The following NEDD4L variants were observed in gnomAD, a reference collection of about 807,000 sequenced individuals.
The protein encoded by NEDD4L is E3 ubiquitin-protein ligase NEDD4-like.
NEDD4L carries 54 observed loss-of-function variants against 148.9 expected under a neutral mutation model. That is an observed-to-expected ratio of 0.36 (90% confidence interval 0.29 to 0.45). NEDD4L has a LOEUF of 0.45. Among genes scored for constraint, NEDD4L ranks in the 20% least tolerant of loss-of-function variants. NEDD4L has a pLI of 1.00. For missense variants in NEDD4L, 856 were observed against 1,233.8 expected, an observed-to-expected ratio of 0.69 and a Z score of 4.59; for synonymous variants, 433 against 440.7, an observed-to-expected ratio of 0.98 and a Z score of 0.22.
intron 1 of NEDD4L, among the ~76,000 whole-genome samples, chr18:58,089,459 T>C (rs1269685074): frequency 3.3e-5 from 5 of 152,120 alleles, no homozygotes; most frequent in Non-Finnish European, 7.4e-5. Context: ...TATCTTTCCA[T>C]AGAAAGAATT....
At chr18:58,328,965 C>T in intron 9 of NEDD4L, 30 bp from the exon 10 acceptor site, 1 of 1,613,558 alleles carries the variant, frequency 6.2e-7, no homozygotes, top group Non-Finnish European at 8.5e-7. Context: ...CACTTCTCTT[C>T]TTCTCTTTCC....
Position 58,348,326 on chromosome 18 carries a change from C to CTTTTTTTTTTTTTTTTTTTTTT in NEDD4L, c.1576-1209_1576-1188dup, listed in dbSNP as rs771263533. ...CACTGCATTTCTTTTTCTTTTTTTT[C>CTTTTTTTTTTTTTTTTTTTTTT]TTTTTTTTTTTTTTTTTTTTTTTGA... is the stretch of plus-strand genomic sequence containing the variant. On this transcript the variant is annotated intron_variant, in intron 16 of 30. Coordinates refer to ENST00000400345, the MANE Select transcript of NEDD4L (RefSeq NM_001144967.3). Among the ~76,000 whole-genome samples, 44 of 88,672 alleles carry CTTTTTTTTTTTTTTTTTTTTTT rather than the reference C, an allele frequency of 5.0e-4. 1 individual carries two copies. The highest frequency in any genetic ancestry group is 6.5e-4 in the African/African-American group (12 of 18,518). The allele number at this position is 88,672 out of a possible 152,430, so 58.2% of individuals were successfully genotyped here. A position where few individuals can be genotyped will look rare whatever the true frequency, so the allele number is the denominator to read the frequency against.
chr18:58,119,353 AG>A (rs2086074893), intron 1 of NEDD4L, among the ~76,000 whole-genome samples: 1 of 152,120 alleles, frequency 6.6e-6, no homozygotes, highest in Non-Finnish European at 1.5e-5. Context: ...GTGTTGAAAA[AG>A]GTACCCAGGC....
Position 58,366,313 on chromosome 18 carries a change from G to C in NEDD4L, c.2063+85G>C. 11 of 987,614 alleles carry C rather than the reference G, an allele frequency of 1.1e-5. No homozygotes were observed. Among genetic ancestry groups the C allele is most frequent in the Non-Finnish European group, 1.5e-5 (10 of 680,854 alleles). 61.2% of individuals were successfully genotyped at this position (987,614 alleles called of 1,614,324 possible). ...CAGAATGAAAGGATAAGCAGCTCAT[G>C]AGTTCGAGATGCATTAACTCTGCTG... On this transcript the variant is annotated intron_variant, in intron 21 of 30. Coordinates refer to ENST00000400345, the MANE Select transcript of NEDD4L (RefSeq NM_001144967.3). The surrounding 1 kb of genome is among the most constrained non-coding windows in gnomAD (Gnocchi z 4.2).
chr18:58,123,026 C>T (rs1469957612), intron 1 of NEDD4L, among the ~76,000 whole-genome samples: 1 of 152,210 alleles, frequency 6.6e-6, no homozygotes, highest in Non-Finnish European at 1.5e-5. Context: ...AGCCACTGCA[C>T]CTGGCCCCAC....
In NEDD4L at chr18:58,398,203, C is replaced by T. The variant is rs1002229981; in HGVS notation, c.*1934C>T. ...AAAAAAAAAAAAAAAAATTCCCGCT[C>T]ATGAGTTTTGACTATTGGTGAGATG... On this transcript the variant is annotated 3_prime_UTR_variant, in exon 31 of 31. Coordinates refer to ENST00000400345, the MANE Select transcript of NEDD4L (RefSeq NM_001144967.3). 1.6e-5 allele frequency: 2 copies of T among 121,414 alleles called. No individual in the cohort carries two copies. The highest frequency in any genetic ancestry group is 6.6e-5 in the African/African-American group (2 of 30,226). The allele number at this position is 121,414 out of a possible 1,614,324, so 7.5% of individuals were successfully genotyped here.
chr18:58,387,300 C>G, intron 26 of NEDD4L, 139 bp from the exon 27 acceptor site: 12 of 966,950 alleles, frequency 1.2e-5, no homozygotes, highest in Non-Finnish European at 1.8e-5. Context: ...ACTATAGTTA[C>G]TTGATACTGT....
At chr18:58,055,666 A>G (rs1182697402) in intron 1 of NEDD4L, among the ~76,000 whole-genome samples, 23 of 152,262 alleles carry the variant, frequency 1.5e-4, no homozygotes. Flanking sequence ...AGATAGAGCA[A>G]GGACTATTTT....
At chr18:58,385,744 G>A (rs1448331352) in intron 26 of NEDD4L, among the ~76,000 whole-genome samples, 158 bp downstream of exon 26, 1 of 152,004 alleles carries the variant, frequency 6.6e-6, no homozygotes, top group Non-Finnish European at 1.5e-5. Context: ...TCACACCGCT[G>A]GCCAGTCTCC....
chr18:58,125,974 G>A (rs1480877882), intron 1 of NEDD4L, among the ~76,000 whole-genome samples: 1 of 152,228 alleles, frequency 6.6e-6, no homozygotes, highest in Non-Finnish European at 1.5e-5. Flanking sequence ...CGCACCAAAC[G>A]GGTTCCAGTC....
chr18:58,044,717 C>G lies in NEDD4L; in HGVS notation c.48+9C>G. On this transcript the variant is annotated intron_variant, in intron 1 of 30. Transcript: ENST00000400345. ...GACTTTCCGAAGACGAGGTGAGTGG[C>G]ACCCCCTTCCTGCTCGGGACTCCCC... 1 of 1,604,736 alleles carries G rather than the reference C, an allele frequency of 6.2e-7. No homozygotes were observed. The highest frequency in any genetic ancestry group is 8.5e-7 in the Non-Finnish European group (1 of 1,175,688).
At chr18:58,253,815 T>C (rs2048193322) in intron 5 of NEDD4L, among the ~76,000 whole-genome samples, 1 of 152,224 alleles carries the variant, frequency 6.6e-6, no homozygotes. Flanking sequence ...GAGGTGATCT[T>C]GCCCTGGGTC....
intron 2 of NEDD4L, among the ~76,000 whole-genome samples, chr18:58,233,350 G>T (rs2045486303): frequency 6.6e-6 from 1 of 152,198 alleles, no homozygotes; most frequent in Non-Finnish European, 1.5e-5. Flanking sequence ...GTTCCACATG[G>T]CCGGGGAGGC....
chr18:58,089,048 A>G (rs762509253), intron 1 of NEDD4L, among the ~76,000 whole-genome samples: 44 of 152,142 alleles, frequency 2.9e-4, no homozygotes, highest in East Asian at 3.9e-4. Flanking sequence ...CTTTTGCTCC[A>G]TAATGTGGAA....
chr18:58,315,902 T>A (rs1418619696), intron 5 of NEDD4L, 80 bp from the exon 6 acceptor site: 35 of 1,253,820 alleles, frequency 2.8e-5, no homozygotes, highest in Middle Eastern at 1.8e-4. Flanking sequence ...TTTGTCTCTA[T>A]TCATGATAAA....
chr18:58,308,357 G>A lies in NEDD4L; in HGVS notation c.298-7625G>A, dbSNP rs560315322. Among the ~76,000 whole-genome samples the A allele has an allele frequency of 7.2e-5, 11 of 152,270 alleles. No individual in the cohort carries two copies. The South Asian group carries it at 1.2e-3, about 17-fold the overall frequency. ...GGGGGTTTCTACATCTGCATTTTTTGCAAAAATAGAATAGCCTTCTAAGAA... is the reference window on the plus strand; with the variant it reads ...GGGGGTTTCTACATCTGCATTTTTTACAAAAATAGAATAGCCTTCTAAGAA... On this transcript the variant is annotated intron_variant, in intron 5 of 30. Transcript: ENST00000400345.
chr18:58,118,940 C>T (rs763075554), intron 1 of NEDD4L, among the ~76,000 whole-genome samples: 2 of 151,688 alleles, frequency 1.3e-5, no homozygotes, highest in Non-Finnish European at 2.9e-5. Flanking sequence ...CAGCTCACAC[C>T]ACCTGCTACT....
At chr18:58,139,486 T>G (rs2033248660) in intron 1 of NEDD4L, among the ~76,000 whole-genome samples, 2 of 152,182 alleles carry the variant, frequency 1.3e-5, no homozygotes, top group South Asian at 4.1e-4. Flanking sequence ...CCTATCAACA[T>G]TCTATCAACT....
chr18:58,255,806 G>A (rs1047010682), intron 5 of NEDD4L: 76 of 1,232,386 alleles, frequency 6.2e-5, no homozygotes, highest in Non-Finnish European at 7.2e-5. Context: ...GGAGGACGGC[G>A]GCGGAGGCCT....
Sources: allele counts gnomAD v4.1 joint callset (sites outside exome capture counted in the v4.1 genomes callset), GRCh38; gene constraint gnomAD v4.1.1; non-coding constraint Gnocchi (gnomAD v3.1); transcripts MANE v1.5; gene names NCBI Gene and HGNC (gene_info 2026-07-23, HGNC 2026-07-21).